OPA3: variants seen among roughly 807,000 people sequenced by gnomAD.
OPA3 encodes optic atrophy 3 protein.
OPA3 carries 6 observed loss-of-function variants against 4.0 expected under a neutral mutation model. The observed-to-expected ratio is 1.51, with a 90% CI of 0.83 to 2.99. The LOEUF (loss-of-function observed/expected upper bound fraction) is 2.99, where lower values mean the gene tolerates loss of function less well. Ranked by LOEUF, OPA3 falls within the 30% of genes most tolerant of loss-of-function variation. OPA3 has a pLI of 0.00. For synonymous variants in OPA3, 105 were observed against 117.1 expected (o/e 0.90, Z 0.67); for missense variants, 235 against 256.2 (o/e 0.92, Z 0.56).
chr19:45,564,165 G>A (rs1260365501), intron 1 of OPA3, among the ~76,000 whole-genome samples: 1 of 151,358 alleles, frequency 6.6e-6, no homozygotes, highest in Non-Finnish European at 1.5e-5. Flanking sequence ...GCATCAGGGT[G>A]GGGGTGGGGG....
At chr19:45,572,680 C>CTA (rs999346307) in intron 1 of OPA3, among the ~76,000 whole-genome samples, 2 of 118,312 alleles carry the variant, frequency 1.7e-5, no homozygotes, top group Non-Finnish European at 3.6e-5. Flanking sequence ...AGATATATAT[C>CTA]TATATATATC....
intron 1 of OPA3, among the ~76,000 whole-genome samples, chr19:45,555,330 C>T (rs1469283062): frequency 6.6e-6 from 1 of 151,976 alleles, no homozygotes; most frequent in Non-Finnish European, 1.5e-5. Flanking sequence ...AAAAGAAGAG[C>T]TTGTTTTTAT....
chr19:45,543,844 G>T (rs375691981), downstream of OPA3, among the ~76,000 whole-genome samples: 1 of 152,040 alleles, frequency 6.6e-6, no homozygotes, highest in Admixed American at 6.6e-5. Flanking sequence ...TTACAGCATC[G>T]GCATCTCTAA....
intron 1 of OPA3, among the ~76,000 whole-genome samples, chr19:45,572,597 T>C (rs28663034): frequency 0.092 from 11,956 of 129,570 alleles, 1,160 homozygotes; most frequent in African/African-American, 0.24. Context: ...ATATATATAT[T>C]GATATATATC....
exon 2 of OPA3, chr19:45,529,213 A>G: frequency 6.2e-7 from 1 of 1,612,300 alleles, no homozygotes; most frequent in Non-Finnish European, 8.5e-7. Flanking sequence ...CGCCAGCCCC[A>G]AGTGGCCCAC....
chr19:45,564,465 G>A (rs1312728031), intron 1 of OPA3, among the ~76,000 whole-genome samples: 1 of 152,188 alleles, frequency 6.6e-6, no homozygotes, highest in African/African-American at 2.4e-5. Flanking sequence ...AGCCCAGGGG[G>A]CAAGTGCCAC....
downstream of OPA3, among the ~76,000 whole-genome samples, chr19:45,543,895 C>T (rs1016630164): frequency 6.6e-6 from 1 of 152,190 alleles, no homozygotes; most frequent in African/African-American, 2.4e-5. Flanking sequence ...TCTTAGCCTC[C>T]AGTGAGCTAC....
intron 1 of OPA3, among the ~76,000 whole-genome samples, chr19:45,569,566 G>C (rs945861631): frequency 1.3e-5 from 2 of 152,054 alleles, no homozygotes; most frequent in African/African-American, 4.8e-5. Flanking sequence ...ACCTCCATTA[G>C]AGTTTAGAAG....
Position 45,553,459 on chromosome 19 carries a change from A to C in OPA3, c.*55T>G, listed in dbSNP as rs1969366941. The C allele has an allele frequency of 1.2e-6, 2 of 1,607,910 alleles. No individual in the cohort carries two copies. The highest frequency in any genetic ancestry group is 1.7e-6 in the Non-Finnish European group (2 of 1,179,852). On this transcript the variant is annotated 3_prime_UTR_variant, in exon 2 of 2. Transcript: ENST00000263275. ...CGCAGGCAAGGGTGGTGCGGGAAGA[A>C]GGCCACGTTAGGTACATAGGCCATG...
rs1264230 is a variant in OPA3 at position 45,562,983 on chromosome 19, C to G, written c.143-9072G>C. Among the ~76,000 whole-genome samples the G allele has an allele frequency of 2.0e-3, 309 of 152,212 alleles. 3 individuals carry two copies. The highest frequency in any genetic ancestry group is 3.6e-3 in the Non-Finnish European group (246 of 68,010). Reference sequence around the variant, plus strand: ...AGAAAAATGAAAACAGAAACAGCCCCCAGGTGGCTCGACTGTGAGGAAATG... The same window carrying G: ...AGAAAAATGAAAACAGAAACAGCCCGCAGGTGGCTCGACTGTGAGGAAATG... On this transcript the variant is annotated intron_variant, in intron 1 of 1. Coordinates refer to ENST00000263275, the MANE Select transcript of OPA3 (RefSeq NM_025136.4).
At chr19:45,531,622 A>G (rs558151819) in intron 1 of OPA3, among the ~76,000 whole-genome samples, 1 of 152,232 alleles carries the variant, frequency 6.6e-6, no homozygotes, top group Admixed American at 6.5e-5. Flanking sequence ...GGTGCTTGGT[A>G]TCTCAGTGTT....
rs189433479 is a variant in OPA3, at chr19:45,580,082, C to T, written c.142+4541G>A. 6.2e-3 allele frequency among the ~76,000 whole-genome samples: 932 copies of T among 151,238 alleles called. 16 individuals carry two copies. Among genetic ancestry groups the T allele is most frequent in the African/African-American group, 0.022 (886 of 41,128 alleles). On this transcript the variant is annotated intron_variant, in intron 1 of 1. Coordinates refer to ENST00000263275, the MANE Select transcript of OPA3 (RefSeq NM_025136.4). ...CACGATCTCGGCTCACTGCAACCTC[C>T]GCCTCCCATGTTCAAGTGATTCTTC...
intron 1 of OPA3, among the ~76,000 whole-genome samples, chr19:45,557,261 TGTGTGTGCACGC>T (rs1467965318): frequency 5.9e-5 from 9 of 152,068 alleles, no homozygotes; most frequent in South Asian, 2.1e-4. Flanking sequence ...AGGGTGTGTG[TGTGTGTGCACGC>T]GTGTGTGCAC....
chr19:45,576,690 C>T (rs1170834088), intron 1 of OPA3, among the ~76,000 whole-genome samples: 1 of 152,140 alleles, frequency 6.6e-6, no homozygotes, highest in African/African-American at 2.4e-5. Flanking sequence ...TTGGCTCATG[C>T]CTCCCTTCCT....
intron 1 of OPA3, among the ~76,000 whole-genome samples, chr19:45,566,180 T>G (rs1223994071): frequency 6.6e-6 from 1 of 151,962 alleles, no homozygotes; most frequent in Non-Finnish European, 1.5e-5. Flanking sequence ...GATGGAGTCT[T>G]GCTCTGTCGC....
At chr19:45,553,968 CCT>C in intron 1 of OPA3, 57 bp from the exon 2 acceptor site, 1 of 1,451,934 alleles carries the variant, frequency 6.9e-7, no homozygotes, top group Non-Finnish European at 9.4e-7. Context: ...AAGCCCCACC[CCT>C]CTCACCCAGG....
At chr19:45,566,369 C>CT (rs1436682763) in intron 1 of OPA3, among the ~76,000 whole-genome samples, 1 of 152,006 alleles carries the variant, frequency 6.6e-6, no homozygotes, top group African/African-American at 2.4e-5. Flanking sequence ...AGGCTGGTCT[C>CT]TAACTCCTGA....
chr19:45,584,753 G>A lies in OPA3; in HGVS notation c.12C>T (p.Gly4=), dbSNP rs766535154. ...ATAGCAGCTTCGCCATAGGGAACGC[G>A]CCCACCACCATCTTGGCGGTCTCAC... MVV[G]AFPMAKLLYL... Residue 4 remains glycine, a synonymous_variant, in exon 1 of 2, where the codon GGC becomes GGT. Transcript: ENST00000263275. 21 of 1,613,772 alleles carry A rather than the reference G, an allele frequency of 1.3e-5. No homozygotes were observed. Among genetic ancestry groups the A allele is most frequent in the East Asian group, 2.2e-5 (1 of 44,882 alleles).
In OPA3 at chr19:45,551,473, G is replaced by C. The variant is rs1200054696; in HGVS notation, c.*2041C>G. 1 of 153,346 alleles carries C rather than the reference G, an allele frequency of 6.5e-6. No individual in the cohort carries two copies. Among genetic ancestry groups the C allele is most frequent in the African/African-American group, 2.4e-5 (1 of 41,456 alleles). 9.5% of individuals were successfully genotyped at this position (153,346 alleles called of 1,614,324 possible). ...CCTAAATGCAATGACAGGTGTTCTTGTAAGAGACAAAATAGAAGAGGGAAA... is the reference window on the plus strand; with the variant it reads ...CCTAAATGCAATGACAGGTGTTCTTCTAAGAGACAAAATAGAAGAGGGAAA... On this transcript the variant is annotated 3_prime_UTR_variant, in exon 2 of 2. Transcript: ENST00000263275.
Sources: gnomAD v4.1 joint callset for allele counts (sites outside exome capture counted in the v4.1 genomes callset) on GRCh38, gnomAD v4.1.1 for gene constraint, MANE v1.5 for transcripts, NCBI Gene and HGNC (gene_info 2026-07-23, HGNC 2026-07-21) for gene names.